The following CEP170 variants were observed in gnomAD, a reference collection of about 807,000 sequenced individuals.
CEP170 encodes the protein centrosomal protein of 170 kDa.
Under a neutral mutation model 151.9 loss-of-function variants are expected in CEP170, and 21 were observed. The observed-to-expected ratio is 0.14, with a 90% CI of 0.10 to 0.20. The LOEUF is 0.20. CEP170 is among the 10% of genes least tolerant of loss of function. The pLI is 1.00. For missense variants in CEP170, 964 were observed against 1,892.9 expected, an observed-to-expected ratio of 0.51 and a Z score of 9.11; for synonymous variants, 356 against 648.8, an observed-to-expected ratio of 0.55 and a Z score of 6.86.
intron 1 of CEP170, among the ~76,000 whole-genome samples, chr1:243,237,353 T>C (rs981609544): frequency 6.6e-6 from 1 of 152,332 alleles, no homozygotes; most frequent in Middle Eastern, 3.4e-3. Flanking sequence ...ACTAAAAAGA[T>C]GAATTTTAAA....
At chr1:243,206,896 T>A (rs2061457790) in intron 4 of CEP170, among the ~76,000 whole-genome samples, 1 of 152,042 alleles carries the variant, frequency 6.6e-6, no homozygotes, top group African/African-American at 2.4e-5. Context: ...TTATAAGTCC[T>A]AAAGGTACCA....
intron 3 of CEP170, among the ~76,000 whole-genome samples, chr1:243,214,419 G>A (rs2062086076): frequency 6.6e-6 from 1 of 150,826 alleles, no homozygotes; most frequent in Non-Finnish European, 1.5e-5. Flanking sequence ...TCAAGTAGCT[G>A]GGATTACAGG....
At chr1:243,236,718 T>A (rs2064286857) in intron 1 of CEP170, among the ~76,000 whole-genome samples, 1 of 152,144 alleles carries the variant, frequency 6.6e-6, no homozygotes, top group Admixed American at 6.5e-5. Context: ...AACTGTCAGA[T>A]CATAGAGCAC....
At chr1:243,149,190 T>C (rs2056831182) in intron 14 of CEP170, among the ~76,000 whole-genome samples, 1 of 152,220 alleles carries the variant, frequency 6.6e-6, no homozygotes, top group Non-Finnish European at 1.5e-5. Context: ...ACTAGACTGA[T>C]GAATATGCTT....
Position 243,221,801 on chromosome 1 carries a change from C to T in CEP170, c.118G>A (p.Asp40Asn). 1.2e-6 allele frequency: 2 copies of T among 1,611,408 alleles called. No individual in the cohort carries two copies. The highest frequency in any genetic ancestry group is 1.3e-5 in the African/African-American group (1 of 74,928). ...TAGTTGATGACAGCGTGTTGCTTAT[C>T]CACACTACGAGACTGAAAGGAATGT... ...CELMLQSRSV[D>N]KQHAVINYDA... is the part of the protein sequence containing the mutation. The change falls in exon 3 of 20, where the codon GAT (aspartate) becomes AAT (asparagine). Residue 40 changes from aspartate to asparagine, a missense_variant. Physicochemically the swap from Asp to Asn is conservative, Grantham distance 23 (BLOSUM62 1). Transcript: ENST00000366542.
In CEP170 at chr1:243,171,581, T is replaced by C. The variant is rs186834956; in HGVS notation, c.1716+1116A>G. On this transcript the variant is annotated intron_variant, in intron 11 of 19. Coordinates refer to ENST00000366542, the MANE Select transcript of CEP170 (RefSeq NM_014812.3). ...ATGAGTCAGAGAACGAAAGCTTCCA[T>C]TGAAGGTTAGCTCTTATTATCTGAA... Among the ~76,000 whole-genome samples, 125 of 152,288 alleles carry C rather than the reference T, an allele frequency of 8.2e-4. 1 individual carries two copies. Among genetic ancestry groups the C allele is most frequent in the Non-Finnish European group, 7.6e-4 (52 of 68,002 alleles).
chr1:243,212,653 T>C (rs75004899), intron 3 of CEP170, among the ~76,000 whole-genome samples: 8 of 151,396 alleles, frequency 5.3e-5, no homozygotes, highest in Admixed American at 2.0e-4. Flanking sequence ...AACAAAAAAA[T>C]ATTGTAAGCC....
intron 11 of CEP170, among the ~76,000 whole-genome samples, chr1:243,172,470 T>C (rs934751387): frequency 6.6e-6 from 1 of 152,064 alleles, no homozygotes; most frequent in Admixed American, 6.5e-5. Flanking sequence ...CCATCTCTAC[T>C]AAAAATATGA....
intron 14 of CEP170, among the ~76,000 whole-genome samples, chr1:243,145,964 G>C (rs1184146796): frequency 6.6e-6 from 1 of 152,076 alleles, no homozygotes; most frequent in Non-Finnish European, 1.5e-5. Context: ...AAAAAGTTTT[G>C]TAAGAGGAAA....
chr1:243,213,334 G>T (rs1165895060), intron 3 of CEP170, among the ~76,000 whole-genome samples: 1 of 152,058 alleles, frequency 6.6e-6, no homozygotes, highest in African/African-American at 2.4e-5. Flanking sequence ...GACATCTGGA[G>T]ATAAAATCTT....
intron 10 of CEP170, 90 bp from the exon 11 acceptor site, chr1:243,172,936 A>G: frequency 7.8e-7 from 1 of 1,279,674 alleles, no homozygotes; most frequent in African/African-American, 1.5e-5. Context: ...AGAGGCAAAT[A>G]AAAATATTCC....
chr1:243,240,435 C>T (rs1377076844), intron 1 of CEP170, among the ~76,000 whole-genome samples: 2 of 152,174 alleles, frequency 1.3e-5, no homozygotes, highest in Non-Finnish European at 2.9e-5. Context: ...CACGGTTAGA[C>T]GTTCCACCTT....
intron 8 of CEP170, among the ~76,000 whole-genome samples, chr1:243,189,286 G>T (rs1460586803): frequency 6.6e-6 from 1 of 152,152 alleles, no homozygotes. Flanking sequence ...GCCAGGCGCG[G>T]TGGCTCACGC....
chr1:243,225,249 C>G lies in CEP170; in HGVS notation c.32G>C (p.Ser11Thr), dbSNP rs764219983. The change falls in exon 2 of 20, where the codon AGT becomes ACT. Residue 11 changes from serine to threonine, a missense_variant. Coordinates refer to ENST00000366542, the MANE Select transcript of CEP170 (RefSeq NM_014812.3). ...TGGCAGCCTGTGGCGAGTGCCTCCACTGCTCACCAAAAACCAGGATGTTAA... is the reference window on the plus strand; with the variant it reads ...TGGCAGCCTGTGGCGAGTGCCTCCAGTGCTCACCAAAAACCAGGATGTTAA... MSLTSWFLVSSGGTRHRLPRE... is the reference protein window; with the variant it reads MSLTSWFLVSTGGTRHRLPRE... 6.3e-7 allele frequency: 1 copy of G among 1,596,214 alleles called. No homozygotes were observed. Among genetic ancestry groups the G allele is most frequent in the Non-Finnish European group, 8.5e-7 (1 of 1,172,210 alleles).
At chr1:243,207,144 T>C (rs1263069196) in intron 4 of CEP170, among the ~76,000 whole-genome samples, 2 of 152,012 alleles carry the variant, frequency 1.3e-5, no homozygotes, top group African/African-American at 4.8e-5. Flanking sequence ...TCGTATCAGA[T>C]AAAAAAGTAA....
Position 243,160,774 on chromosome 1 carries a change from AAG to A in CEP170, c.3676+3508_3676+3509del, listed in dbSNP as rs536864980. On this transcript the variant is annotated intron_variant, in intron 13 of 19. Transcript: ENST00000366542. Reference sequence around the variant, plus strand: ...TCTGTTTTGTCCTTTGACCTGGAGAAAGAGTTAACTCAAGCCATGCATGTCTA... The same window carrying A: ...TCTGTTTTGTCCTTTGACCTGGAGAAAGTTAACTCAAGCCATGCATGTCTA... Among the ~76,000 whole-genome samples, 11 of 152,320 alleles carry A rather than the reference AAG, an allele frequency of 7.2e-5. No individual in the cohort carries two copies. The South Asian group carries it at 2.3e-3, about 32-fold the overall frequency.
chr1:243,151,035 C>T (rs553139503), intron 14 of CEP170, among the ~76,000 whole-genome samples: 4 of 152,270 alleles, frequency 2.6e-5, no homozygotes, highest in East Asian at 1.9e-4. Context: ...AGAGTTCAGC[C>T]GCATTTGCAG....
At chr1:243,190,351 G>C (rs2060231664) in intron 8 of CEP170, among the ~76,000 whole-genome samples, 1 of 152,078 alleles carries the variant, frequency 6.6e-6, no homozygotes. Flanking sequence ...TGATACATCA[G>C]TGTACAAACA....
chr1:243,156,125 A>C (rs935209416), intron 14 of CEP170, 96 bp downstream of exon 14: 1 of 1,347,230 alleles, frequency 7.4e-7, no homozygotes, highest in African/African-American at 1.5e-5. Context: ...CAGTTCTTAG[A>C]CTATTAGTAA....
Sources: allele counts gnomAD v4.1 joint callset (sites outside exome capture counted in the v4.1 genomes callset), GRCh38; gene constraint gnomAD v4.1.1; transcripts MANE v1.5; gene names NCBI Gene and HGNC (gene_info 2026-07-23, HGNC 2026-07-21).